ADRA1B: variants seen among roughly 807,000 people sequenced by gnomAD.
The protein encoded by ADRA1B is adrenoceptor alpha 1B.
In ADRA1B, 17 loss-of-function variants were observed where a neutral mutation model predicts 17.9. The observed-to-expected ratio is 0.95, with a 90% CI of 0.65 to 1.42. ADRA1B has a LOEUF of 1.42. Among genes scored for constraint, ADRA1B ranks in the 40% most tolerant of loss-of-function variants. ADRA1B has a pLI of 0.00. For synonymous variants in ADRA1B, 366 were observed against 327.6 expected (o/e 1.12, Z -1.27); for missense variants, 681 against 722.1 (o/e 0.94, Z 0.65).
At chr5:159,957,147 C>G (rs1755570780) in intron 1 of ADRA1B, among the ~76,000 whole-genome samples, 1 of 152,174 alleles carries the variant, frequency 6.6e-6, no homozygotes, top group Admixed American at 6.5e-5. Flanking sequence ...GCTGGAATTA[C>G]AGGTTTGAGC....
At chr5:159,982,587 C>A in the ADRA1B span, among the ~76,000 whole-genome samples, 2 of 152,142 alleles carry the variant, frequency 1.3e-5, no homozygotes, top group Non-Finnish European at 2.9e-5. Context: ...GGTGGCAGAG[C>A]CAGGATTTGA....
At chr5:159,973,676 G>A (rs1388620220), downstream of ADRA1B, among the ~76,000 whole-genome samples, 3 of 152,334 alleles carry the variant, frequency 2.0e-5, no homozygotes, top group Non-Finnish European at 4.4e-5. Context: ...AAAAAGCACT[G>A]AGGAAGGTCA....
downstream of ADRA1B, among the ~76,000 whole-genome samples, chr5:159,977,048 G>A (rs1275284413): frequency 6.6e-6 from 1 of 152,102 alleles, no homozygotes; most frequent in Admixed American, 6.5e-5. Flanking sequence ...ATTAACTATG[G>A]GGGACCTTGT....
chr5:159,962,910 T>C (rs1307280819), intron 1 of ADRA1B, among the ~76,000 whole-genome samples: 1 of 143,476 alleles, frequency 7.0e-6, no homozygotes, highest in Non-Finnish European at 1.5e-5. Flanking sequence ...TTCTTTTCTT[T>C]CTTTCTTTCT....
rs886410247 is a variant in ADRA1B at position 159,916,779 on chromosome 5, C to T, written c.-127C>T. ...GCTGGGCTGCCCGGGGGAGATGACTCCTCGCCAGGAGGGCGCCTCTGGGAA... is the reference window on the plus strand; with the variant it reads ...GCTGGGCTGCCCGGGGGAGATGACTTCTCGCCAGGAGGGCGCCTCTGGGAA... On this transcript the variant is annotated 5_prime_UTR_variant, in exon 1 of 2. Coordinates refer to ENST00000306675, the MANE Select transcript of ADRA1B (RefSeq NM_000679.4). The T allele has an allele frequency of 5.5e-6, 5 of 916,706 alleles. No homozygotes were observed. The highest frequency in any genetic ancestry group is 2.7e-4 in the Middle Eastern group (1 of 3,654). 56.8% of individuals were successfully genotyped at this position (916,706 alleles called of 1,614,324 possible).
At chr5:159,885,834 G>A (rs1299683539) in intron 1 of ADRA1B, among the ~76,000 whole-genome samples, 4 of 152,182 alleles carry the variant, frequency 2.6e-5, no homozygotes, top group Non-Finnish European at 5.9e-5. Flanking sequence ...CTTTGTACTT[G>A]TAACTCTACA....
chr5:159,972,262 CCCG>C lies in ADRA1B; in HGVS notation c.1334_1336del (p.Pro445_Glu446delinsGln), dbSNP rs1755888444. Reference sequence around the variant, plus strand: ...ACCGCCAGTCGAGCTGTGCGCCTTCCCCGAGTGGAAGGCGCCCGGCGCCCTCCT... The same window carrying C: ...ACCGCCAGTCGAGCTGTGCGCCTTCCAGTGGAAGGCGCCCGGCGCCCTCCT... On this transcript the variant is annotated inframe_deletion, in exon 2 of 2. Transcript: ENST00000306675. 7 of 1,362,838 alleles carry C rather than the reference CCCG, an allele frequency of 5.1e-6. No individual in the cohort carries two copies. In the Admixed American group the frequency reaches 2.0e-4, roughly 39 times the overall value. The allele number at this position is 1,362,838 out of a possible 1,614,324, so 84.4% of individuals were successfully genotyped here. A position where few individuals can be genotyped will look rare whatever the true frequency, so the allele number is the denominator to read the frequency against.
intron 1 of ADRA1B, among the ~76,000 whole-genome samples, chr5:159,945,907 CT>C: frequency 6.6e-6 from 1 of 152,234 alleles, no homozygotes; most frequent in South Asian, 2.1e-4. Flanking sequence ...GCCACCATGC[CT>C]GGCTAATTTT....
chr5:159,871,606 G>T (rs1431126435), intron 1 of ADRA1B, among the ~76,000 whole-genome samples: 1 of 152,004 alleles, frequency 6.6e-6, no homozygotes, highest in East Asian at 1.9e-4. Flanking sequence ...TTGAGCTTAG[G>T]GCCCACCCTA....
rs1480998884 is a variant in ADRA1B at position 159,972,860 on chromosome 5, T to A, written c.*368T>A. Among the ~76,000 whole-genome samples, 1 of 152,136 alleles carries A rather than the reference T, an allele frequency of 6.6e-6. No homozygotes were observed. The highest frequency in any genetic ancestry group is 2.4e-5 in the African/African-American group (1 of 41,448). Reference sequence around the variant, plus strand: ...TGTGTGTGTGCGTGGGGCCGCCCTGTGAGGGCGCGGCGACTGTGCGCCCAG... The same window carrying A: ...TGTGTGTGTGCGTGGGGCCGCCCTGAGAGGGCGCGGCGACTGTGCGCCCAG... On this transcript the variant is annotated 3_prime_UTR_variant, in exon 2 of 2. Coordinates refer to ENST00000306675, the MANE Select transcript of ADRA1B (RefSeq NM_000679.4).
intron 1 of ADRA1B, among the ~76,000 whole-genome samples, chr5:159,945,167 G>A (rs1178417261): frequency 2.0e-5 from 3 of 152,100 alleles, no homozygotes; most frequent in African/African-American, 7.2e-5. Context: ...TTGAGGTCAG[G>A]AATTTGAGAG....
chr5:159,877,571 A>T (rs1367899024), intron 1 of ADRA1B, among the ~76,000 whole-genome samples: 4 of 152,186 alleles, frequency 2.6e-5, no homozygotes, highest in Admixed American at 2.0e-4. Context: ...CTGAGCAGCC[A>T]CTAGGGCAGT....
intron 1 of ADRA1B, among the ~76,000 whole-genome samples, chr5:159,935,708 A>G (rs1372465466): frequency 6.6e-6 from 1 of 152,000 alleles, no homozygotes; most frequent in Non-Finnish European, 1.5e-5. Context: ...CACCACACCT[A>G]GCTAATTTTT....
intron 1 of ADRA1B, among the ~76,000 whole-genome samples, chr5:159,964,744 G>C (rs1437448944): frequency 6.6e-6 from 1 of 152,226 alleles, no homozygotes; most frequent in Non-Finnish European, 1.5e-5. Flanking sequence ...GGAAAGAGCA[G>C]TAGGGTAAGT....
At chr5:159,875,996 C>A (rs560356925) in intron 1 of ADRA1B, among the ~76,000 whole-genome samples, 1 of 152,294 alleles carries the variant, frequency 6.6e-6, no homozygotes, top group African/African-American at 2.4e-5. Context: ...CGTGACCAGC[C>A]TGGCCAACAT....
At chr5:159,899,972 A>G (rs899693042) in intron 1 of ADRA1B, among the ~76,000 whole-genome samples, 3 of 152,192 alleles carry the variant, frequency 2.0e-5, no homozygotes. Flanking sequence ...TATTTTTTCC[A>G]AATACCCAAC....
chr5:159,925,347 A>T (rs1754615547), intron 1 of ADRA1B, among the ~76,000 whole-genome samples: 1 of 152,254 alleles, frequency 6.6e-6, no homozygotes, highest in South Asian at 2.1e-4. Flanking sequence ...TGTATTATTG[A>T]TGCTTTAGAA....
chr5:159,960,406 G>A lies in ADRA1B; in HGVS notation c.950-11473G>A, dbSNP rs1437760611. 7.2e-5 allele frequency among the ~76,000 whole-genome samples: 11 copies of A among 152,330 alleles called. No homozygotes were observed. The South Asian group carries it at 2.3e-3, about 32-fold the overall frequency. On this transcript the variant is annotated intron_variant, in intron 1 of 1. Coordinates refer to ENST00000306675, the MANE Select transcript of ADRA1B (RefSeq NM_000679.4). ...GAGTCACTGGAGGATTGGGGCCAAG[G>A]GGGTCAACCCCATAGTGAGGTGGCT...
At chr5:159,883,551 G>A (rs1347056776) in intron 1 of ADRA1B, among the ~76,000 whole-genome samples, 3 of 152,142 alleles carry the variant, frequency 2.0e-5, no homozygotes, top group Admixed American at 2.0e-4. Flanking sequence ...TTCCCCACTG[G>A]TTCTCCTAGA....
Sources: gnomAD v4.1 joint callset for allele counts (sites outside exome capture counted in the v4.1 genomes callset) on GRCh38, gnomAD v4.1.1 for gene constraint, MANE v1.5 for transcripts, NCBI Gene and HGNC (gene_info 2026-07-23, HGNC 2026-07-21) for gene names.